The following RIMS1 variants were observed in gnomAD, a reference collection of about 807,000 sequenced individuals.
RIMS1 encodes the protein regulating synaptic membrane exocytosis protein 1.
A neutral mutation model predicts 214.1 loss-of-function variants in RIMS1; 83 were observed. The observed-to-expected ratio is 0.39, with a 90% CI of 0.32 to 0.47. RIMS1 has a LOEUF of 0.47. Among genes scored for constraint, RIMS1 ranks in the 20% least tolerant of loss-of-function variants. RIMS1 has a pLI of 0.99. For missense variants in RIMS1, 2,050 were observed against 2,161.8 expected, an observed-to-expected ratio of 0.95 and a Z score of 1.03; for synonymous variants, 793 against 786.8, an observed-to-expected ratio of 1.01 and a Z score of -0.13.
At chr6:71,932,131 A>G (rs1162829789) in intron 1 of RIMS1, among the ~76,000 whole-genome samples, 1 of 152,168 alleles carries the variant, frequency 6.6e-6, no homozygotes, top group Non-Finnish European at 1.5e-5. Flanking sequence ...TACTGTGTAT[A>G]TACCCAAAGG....
chr6:71,964,585 A>T (rs1366611512), intron 1 of RIMS1, among the ~76,000 whole-genome samples: 2 of 152,168 alleles, frequency 1.3e-5, no homozygotes, highest in Non-Finnish European at 2.9e-5. Context: ...ATGTGAGAGA[A>T]AACAAGGAGT....
chr6:72,157,482 G>A, intron 4 of RIMS1, among the ~76,000 whole-genome samples: 1 of 140,140 alleles, frequency 7.1e-6, no homozygotes, highest in East Asian at 2.0e-4. Flanking sequence ...TCAGAGTTGT[G>A]TGTCTTTTGG....
In RIMS1 at chr6:71,886,939, G is replaced by A. The variant is rs1462965187; in HGVS notation, c.-85G>A. 1 of 1,493,928 alleles carries A rather than the reference G, an allele frequency of 6.7e-7. No homozygotes were observed. Among genetic ancestry groups the A allele is most frequent in the Non-Finnish European group, 9.1e-7 (1 of 1,099,618 alleles). 92.5% of individuals were successfully genotyped at this position (1,493,928 alleles called of 1,614,324 possible). On this transcript the variant is annotated 5_prime_UTR_variant, in exon 1 of 34. Transcript: ENST00000521978. ...CGCCGCCGCTAGGGCTCCGCTGTGA[G>A]GGGGAAGCAGGGGCGCAGCTGCTGG...
At chr6:72,046,369 C>A (rs556828016) in intron 2 of RIMS1, among the ~76,000 whole-genome samples, 1 of 152,020 alleles carries the variant, frequency 6.6e-6, no homozygotes, top group South Asian at 2.1e-4. Context: ...GAACTTTGAC[C>A]ATGTTTAGAT....
intron 13 of RIMS1, 113 bp from the exon 14 acceptor site, chr6:72,250,808 T>C (rs1384650483): frequency 1.6e-6 from 1 of 627,898 alleles, no homozygotes. Flanking sequence ...TTATAGACTT[T>C]CCATGAGTTA....
intron 2 of RIMS1, among the ~76,000 whole-genome samples, chr6:72,089,714 G>A (rs538870033): frequency 6.6e-6 from 1 of 150,506 alleles, no homozygotes; most frequent in African/African-American, 2.4e-5. Context: ...AAAGACACAT[G>A]CACACGTATG....
chr6:71,922,431 G>A (rs1230329346), intron 1 of RIMS1, among the ~76,000 whole-genome samples: 1 of 152,028 alleles, frequency 6.6e-6, no homozygotes, highest in African/African-American at 2.4e-5. Flanking sequence ...TCTGTGTGTG[G>A]CTTATTTTTG....
At chr6:72,106,376 A>G (rs1315495846) in intron 4 of RIMS1, among the ~76,000 whole-genome samples, 4 of 152,218 alleles carry the variant, frequency 2.6e-5, no homozygotes, top group Admixed American at 2.0e-4. Context: ...TTCAGGGAGA[A>G]AATAATATGC....
chr6:72,348,436 T>C (rs1297936752), intron 29 of RIMS1, among the ~76,000 whole-genome samples: 6 of 152,046 alleles, frequency 3.9e-5, no homozygotes, highest in African/African-American at 1.4e-4. Flanking sequence ...ACCTCCCTTT[T>C]CCTTTCTTTC....
chr6:72,055,688 GAAATCA>G (rs1284794678), intron 2 of RIMS1, among the ~76,000 whole-genome samples: 3 of 152,018 alleles, frequency 2.0e-5, no homozygotes, highest in Admixed American at 6.6e-5. Context: ...AATTATTAGA[GAAATCA>G]AAATCAAAAT....
At chr6:71,973,991 G>A (rs992892332) in intron 2 of RIMS1, among the ~76,000 whole-genome samples, 2 of 152,128 alleles carry the variant, frequency 1.3e-5, no homozygotes, top group African/African-American at 4.8e-5. Flanking sequence ...CTGAGAGGTG[G>A]TCCCTGTGGC....
At chr6:72,276,925 A>T (rs2086755626) in intron 23 of RIMS1, among the ~76,000 whole-genome samples, 3 of 152,228 alleles carry the variant, frequency 2.0e-5, no homozygotes, top group Non-Finnish European at 4.4e-5. Flanking sequence ...GTGAATGTTC[A>T]TAAGAATTTC....
At chr6:72,057,652 C>T (rs1026522342) in intron 2 of RIMS1, among the ~76,000 whole-genome samples, 32 of 151,992 alleles carry the variant, frequency 2.1e-4, no homozygotes, top group Non-Finnish European at 3.8e-4. Context: ...GGACTACAGG[C>T]GCCCGCCACC....
Position 72,265,992 on chromosome 6 carries a change from G to A in RIMS1, c.3341G>A (p.Ser1114Asn). The change falls in exon 22 of 34, where the codon AGT (serine) becomes AAT (asparagine). Residue 1114 changes from serine to asparagine, a missense_variant. Ser to Asn is a conservative substitution (Grantham distance 46, BLOSUM62 1). Coordinates refer to ENST00000521978, the MANE Select transcript of RIMS1 (RefSeq NM_014989.7). ...CAGCCCTTTCTTGACAGGGCTAGGA[G>A]TGCTAGTACCAACTGCTTGAGACCA... ...ELQPFLDRAR[S>N]ASTNCLRPDT... 1 of 1,583,780 alleles carries A rather than the reference G, an allele frequency of 6.3e-7. No individual in the cohort carries two copies. The highest frequency in any genetic ancestry group is 8.6e-7 in the Non-Finnish European group (1 of 1,163,652).
chr6:71,891,567 C>G (rs2150348203), intron 1 of RIMS1, among the ~76,000 whole-genome samples: 1 of 152,142 alleles, frequency 6.6e-6, no homozygotes, highest in Admixed American at 6.5e-5. Flanking sequence ...ATCCCAGTTA[C>G]CAACTGGGAA....
At chr6:72,193,646 CT>C (rs1443480202) in intron 6 of RIMS1, among the ~76,000 whole-genome samples, 1 of 152,180 alleles carries the variant, frequency 6.6e-6, no homozygotes, top group African/African-American at 2.4e-5. Context: ...GCACAAGTTA[CT>C]TAACTTCCAT....
At chr6:72,084,468 T>G (rs1377079673) in intron 2 of RIMS1, among the ~76,000 whole-genome samples, 2 of 152,204 alleles carry the variant, frequency 1.3e-5, no homozygotes, top group Non-Finnish European at 2.9e-5. Flanking sequence ...GTTTCAGACC[T>G]CTGATATATC....
chr6:72,228,210 G>A (rs946827509), intron 6 of RIMS1, among the ~76,000 whole-genome samples: 21 of 151,856 alleles, frequency 1.4e-4, no homozygotes, highest in Non-Finnish European at 2.1e-4. Flanking sequence ...ATGACACACA[G>A]TATTGTTAAC....
intron 6 of RIMS1, chr6:72,216,517 T>A: frequency 1.0e-6 from 1 of 985,514 alleles, no homozygotes; most frequent in South Asian, 4.7e-5. Context: ...TGCTTTCTGG[T>A]GCCAGTTGTC....
Sources: allele counts gnomAD v4.1 joint callset (sites outside exome capture counted in the v4.1 genomes callset), GRCh38; gene constraint gnomAD v4.1.1; transcripts MANE v1.5; gene names NCBI Gene and HGNC (gene_info 2026-07-23, HGNC 2026-07-21).